LMBRD1: variants seen among roughly 807,000 people sequenced by gnomAD.
LMBRD1 encodes the protein lysosomal cobalamin transport escort protein LMBD1.
Under a neutral mutation model 74.8 loss-of-function variants are expected in LMBRD1, and 64 were observed. That is an observed-to-expected ratio of 0.86 (90% confidence interval 0.70 to 1.05). The LOEUF (loss-of-function observed/expected upper bound fraction) is 1.05, where lower values mean the gene tolerates loss of function less well. Among genes scored for constraint, LMBRD1 ranks in the 50% least tolerant of loss-of-function variants. The pLI is 0.00. For missense variants in LMBRD1, 652 were observed against 645.9 expected, an observed-to-expected ratio of 1.01 and a Z score of -0.10; for synonymous variants, 204 against 216.3, an observed-to-expected ratio of 0.94 and a Z score of 0.50.
rs758342527 is a variant in LMBRD1, at chr6:69,701,950, C to T, written c.919G>A (p.Val307Ile). 14 of 1,592,190 alleles carry T rather than the reference C, an allele frequency of 8.8e-6. No homozygotes were observed. The highest frequency in any genetic ancestry group is 4.0e-5 in the African/African-American group (3 of 74,322). Residue 307 changes from valine (V) to isoleucine (I), a missense_variant, in exon 10 of 16, where the codon GTC becomes ATC. By Grantham distance (29) the Val-to-Ile change is conservative. Transcript: ENST00000649934. ...FCGALRPLKI[V>I]WGIFFILVAL... is the part of the protein sequence containing the mutation. ...ACTAAGATGAAAAATATTCCCCAGA[C>T]GATCTAAAAGCAAAAATATATTCAT...
At chr6:69,742,025 C>T in intron 5 of LMBRD1, 148 bp from the exon 6 acceptor site, 1 of 562,176 alleles carries the variant, frequency 1.8e-6, no homozygotes, top group Non-Finnish European at 3.1e-6. Flanking sequence ...CTTATCTATG[C>T]ATTTACTTCC....
intron 8 of LMBRD1, among the ~76,000 whole-genome samples, chr6:69,714,373 CCTAT>C (rs763505495): frequency 1.3e-5 from 2 of 152,012 alleles, no homozygotes; most frequent in African/African-American, 4.8e-5. Context: ...CTTTGGCCAA[CCTAT>C]CTGACAGATA....
At chr6:69,719,899 A>G (rs1766576994) in intron 7 of LMBRD1, among the ~76,000 whole-genome samples, 2 of 152,174 alleles carry the variant, frequency 1.3e-5, no homozygotes, top group East Asian at 3.8e-4. Flanking sequence ...ATGGGCCATG[A>G]GATTGAGTTC....
intron 14 of LMBRD1, among the ~76,000 whole-genome samples, chr6:69,682,549 G>C (rs1765685328): frequency 6.6e-6 from 1 of 151,880 alleles, no homozygotes; most frequent in Non-Finnish European, 1.5e-5. Flanking sequence ...CTCATTAAAA[G>C]GGAGTACAAG....
At chr6:69,778,548 A>C (rs1041330610) in intron 3 of LMBRD1, among the ~76,000 whole-genome samples, 3 of 152,268 alleles carry the variant, frequency 2.0e-5, no homozygotes, top group Non-Finnish European at 4.4e-5. Context: ...TACAGTTCAC[A>C]GACCTTGACT....
At chr6:69,747,375 C>T (rs1027473741) in intron 5 of LMBRD1, among the ~76,000 whole-genome samples, 5 of 152,216 alleles carry the variant, frequency 3.3e-5, no homozygotes, top group East Asian at 1.9e-4. Context: ...GCACCTTCAA[C>T]GTAGACTTCT....
intron 3 of LMBRD1, among the ~76,000 whole-genome samples, chr6:69,779,250 G>C (rs6920280): frequency 0.36 from 53,820 of 148,968 alleles, 10,292 homozygotes; most frequent in East Asian, 0.55. Flanking sequence ...AACTTTTGTA[G>C]ATTTTTTTCA....
chr6:69,683,173 C>T (rs905162487), intron 14 of LMBRD1, among the ~76,000 whole-genome samples: 3 of 151,980 alleles, frequency 2.0e-5, no homozygotes, highest in Non-Finnish European at 4.4e-5. Context: ...AAATGATGCT[C>T]TGATCAATAC....
intron 2 of LMBRD1, among the ~76,000 whole-genome samples, chr6:69,780,953 G>T (rs61572016): frequency 6.6e-6 from 1 of 152,038 alleles, no homozygotes; most frequent in African/African-American, 2.4e-5. Flanking sequence ...TTGAGCTTTT[G>T]GAAAGGTAAG....
chr6:69,699,247 A>G lies in LMBRD1; in HGVS notation c.1189-55T>C, dbSNP rs1228423380. The G allele has an allele frequency of 3.4e-6, 5 of 1,466,264 alleles. No homozygotes were observed. In the African/African-American group the frequency reaches 5.6e-5, roughly 16 times the overall value. The allele number at this position is 1,466,264 out of a possible 1,614,324, so 90.8% of individuals were successfully genotyped here. A position where few individuals can be genotyped will look rare whatever the true frequency, so the allele number is the denominator to read the frequency against. ...CAATATATTTCATTTATAAAGCATT[A>G]AATCCTTTTCTTGTGTTATGGGAAA... On this transcript the variant is annotated intron_variant, in intron 12 of 15. Transcript: ENST00000649934.
At chr6:69,702,189 A>T (rs1766147463) in intron 9 of LMBRD1, among the ~76,000 whole-genome samples, 1 of 151,886 alleles carries the variant, frequency 6.6e-6, no homozygotes, top group Non-Finnish European at 1.5e-5. Flanking sequence ...GTCTTCACTA[A>T]TAAGTAAACA....
chr6:69,744,428 T>A (rs768930908), intron 5 of LMBRD1, among the ~76,000 whole-genome samples: 1 of 152,216 alleles, frequency 6.6e-6, no homozygotes, highest in Non-Finnish European at 1.5e-5. Context: ...AACTACAGCC[T>A]AGTAAGATTA....
chr6:69,791,663 T>A (rs901715308), intron 1 of LMBRD1, among the ~76,000 whole-genome samples: 3 of 152,306 alleles, frequency 2.0e-5, no homozygotes, highest in African/African-American at 7.2e-5. Flanking sequence ...ATGAAACTAA[T>A]AAAACCACCA....
chr6:69,759,332 A>T (rs1765328278), intron 3 of LMBRD1, among the ~76,000 whole-genome samples: 1 of 152,162 alleles, frequency 6.6e-6, no homozygotes, highest in African/African-American at 2.4e-5. Flanking sequence ...CAAGGCTAGC[A>T]GTCTTAATAC....
chr6:69,701,921 T>G lies in LMBRD1; in HGVS notation c.948A>C (p.Ala316=), dbSNP rs1408593852. 6.2e-7 allele frequency: 1 copy of G among 1,601,832 alleles called. No individual in the cohort carries two copies. The highest frequency in any genetic ancestry group is 1.3e-5 in the African/African-American group (1 of 74,530). The change falls in exon 10 of 16, where the codon GCA becomes GCC. Residue 316 remains alanine (A), a synonymous_variant. Transcript: ENST00000649934. ...AGAAGAGAGAAATTACAAACAGCAA[T>G]GCAACTAAGATGAAAAATATTCCCC... ...IVWGIFFILV[A]LLFVISLFLS... is the part of the protein sequence containing the mutation.
chr6:69,759,677 T>C (rs1320895977), intron 3 of LMBRD1, among the ~76,000 whole-genome samples: 1 of 152,150 alleles, frequency 6.6e-6, no homozygotes, highest in East Asian at 1.9e-4. Flanking sequence ...ATTTAACAAA[T>C]ACCTACTGAG....
chr6:69,737,636 AT>A (rs1767004554), intron 7 of LMBRD1, among the ~76,000 whole-genome samples: 1 of 150,186 alleles, frequency 6.7e-6, no homozygotes, highest in African/African-American at 2.4e-5. Context: ...AGGCATATAG[AT>A]TTATAAGCAT....
At chr6:69,751,366 G>A (rs1002387876) in intron 4 of LMBRD1, among the ~76,000 whole-genome samples, 7 of 150,514 alleles carry the variant, frequency 4.7e-5, no homozygotes, top group African/African-American at 1.7e-4. Context: ...CGCTCTTGTT[G>A]CCCAGGCTGG....
At chr6:69,754,223 G>T (rs1241996359) in intron 3 of LMBRD1, among the ~76,000 whole-genome samples, 2 of 152,014 alleles carry the variant, frequency 1.3e-5, no homozygotes, top group Non-Finnish European at 2.9e-5. Context: ...TGGCACCAAT[G>T]GCTGCATATT....
Sources: gnomAD v4.1 joint callset for allele counts (sites outside exome capture counted in the v4.1 genomes callset) on GRCh38, gnomAD v4.1.1 for gene constraint, MANE v1.5 for transcripts, NCBI Gene and HGNC (gene_info 2026-07-23, HGNC 2026-07-21) for gene names.